Variants in PSG5 observed in about 807,000 individuals in gnomAD.
PSG5 encodes the protein pregnancy-specific beta-1-glycoprotein 5.
A neutral mutation model predicts 37.7 loss-of-function variants in PSG5; 53 were observed. The observed-to-expected ratio is 1.41, with a 90% CI of 1.13 to 1.77. The LOEUF is 1.77. PSG5 is among the 40% of genes most tolerant of loss of function. PSG5 has a pLI of 0.00. For synonymous variants in PSG5, 221 were observed against 155.4 expected (o/e 1.42, Z -3.14); for missense variants, 547 against 405.2 (o/e 1.35, Z -3.00).
rs761902009 is a variant in PSG5, at chr19:43,175,912, C to A, written c.667G>T (p.Asp223Tyr). The part of the protein sequence containing the change: ...GPYECEIRDR[D>Y]GGMRSDPVTL... ...ACTGGGTCACTGCGCATGCCACCAT[C>A]TCGGTCCCGTATTTCACATTCATAG... The change falls in exon 3 of 6, where the codon GAT becomes TAT. Residue 223 changes from aspartate (D) to tyrosine (Y), a missense_variant. Asp to Tyr is a radical substitution (Grantham distance 160). Transcript: ENST00000342951. The A allele has an allele frequency of 3.0e-5, 49 of 1,612,454 alleles. 1 individual carries two copies. Among genetic ancestry groups the A allele is most frequent in the Middle Eastern group, 1.7e-4 (1 of 6,008 alleles).
At chr19:43,179,197 C>T in intron 2 of PSG5, 1 of 1,550,704 alleles carries the variant, frequency 6.4e-7, no homozygotes, top group Non-Finnish European at 8.8e-7. Context: ...TGTGTGGCAC[C>T]TTTGATTCCT....
At chr19:43,168,627 C>T (rs1203391884) in intron 5 of PSG5, among the ~76,000 whole-genome samples, 1 of 151,730 alleles carries the variant, frequency 6.6e-6, no homozygotes, top group African/African-American at 2.4e-5. Flanking sequence ...CCACCTCGGC[C>T]TCCCAAACTG....
At chr19:43,170,500 A>G in intron 4 of PSG5, 1 of 448,308 alleles carries the variant, frequency 2.2e-6, no homozygotes, top group South Asian at 1.9e-5. Context: ...CATGAATGAG[A>G]CTCTGTCAGG....
At position 43,178,214 on chromosome 19, in the gene PSG5, G is replaced by A. The variant is rs1037156278; in HGVS notation, c.431-2066C>T. On this transcript the variant is annotated intron_variant, in intron 2 of 5. Coordinates refer to ENST00000342951, the MANE Select transcript of PSG5 (RefSeq NM_002781.4). The stretch of plus-strand genomic sequence containing the variant: ...GGAAAACATATTGCCAATGCTCCAG[G>A]GATCCACTTACCAGGGACTATGATC... Among the ~76,000 whole-genome samples the A allele has an allele frequency of 4.0e-5, 6 of 151,656 alleles. No homozygotes were observed. In the East Asian group the frequency reaches 5.8e-4, roughly 15 times the overall value.
At chr19:43,178,496 A>G (rs1283009506) in intron 2 of PSG5, among the ~76,000 whole-genome samples, 1 of 151,634 alleles carries the variant, frequency 6.6e-6, no homozygotes, top group African/African-American at 2.4e-5. Context: ...AAAGAGAATA[A>G]AGTCACAGGT....
Position 43,182,109 on chromosome 19 carries a change from G to C in PSG5, c.430+2673C>G, listed in dbSNP as rs181176692. Among the ~76,000 whole-genome samples the C allele has an allele frequency of 1.7e-3, 258 of 151,778 alleles. 4 individuals carry two copies. The highest frequency in any genetic ancestry group is 5.9e-3 in the African/African-American group (242 of 41,294). ...CCTGGGCATAGGCCAGGCTAACCTTGGGAGGAATTTAATTTATGGTTTGAC... is the reference window on the plus strand; with the variant it reads ...CCTGGGCATAGGCCAGGCTAACCTTCGGAGGAATTTAATTTATGGTTTGAC... On this transcript the variant is annotated intron_variant, in intron 2 of 5. Transcript: ENST00000342951.
At chr19:43,178,069 G>C (rs143087488) in intron 2 of PSG5, among the ~76,000 whole-genome samples, 1 of 151,514 alleles carries the variant, frequency 6.6e-6, no homozygotes, top group Non-Finnish European at 1.5e-5. Context: ...AGAGTGAAGG[G>C]GAAAGGCAAA....
In PSG5 at chr19:43,170,090, G is replaced by A. The variant is rs3207395; in HGVS notation, c.*5C>T. On this transcript the variant is annotated 3_prime_UTR_variant, in exon 5 of 6. Transcript: ENST00000342951. ...TCCTGAAATACAGAAATGACTTCAC[G>A]GCTGCTATATTGGATTAAGGAGAGG... 28 of 1,580,096 alleles carry A rather than the reference G, an allele frequency of 1.8e-5. No homozygotes were observed. The highest frequency in any genetic ancestry group is 1.7e-4 in the Middle Eastern group (1 of 5,924).
At position 43,184,988 on chromosome 19, in the gene PSG5, A is replaced by G. The variant is rs1220740310; in HGVS notation, c.224T>C (p.Leu75Pro). 1 of 1,612,570 alleles carries G rather than the reference A, an allele frequency of 6.2e-7. No homozygotes were observed. Among genetic ancestry groups the G allele is most frequent in the South Asian group, 1.1e-5 (1 of 91,038 alleles). Reference protein sequence around the residue: ...YIWYKGQLMDLYHYITSYVVD... With the variant: ...YIWYKGQLMDPYHYITSYVVD... ...TACATATGATGTAATGTAATGGTAG[A>G]GGTCCATCAGTTGTCCTTTGTACCA... The change falls in exon 2 of 6, where the codon CTC becomes CCC. Residue 75 changes from leucine (L) to proline (P), a missense_variant. Transcript: ENST00000342951.
At chr19:43,171,746 A>G (rs1485592861) in intron 4 of PSG5, among the ~76,000 whole-genome samples, 2 of 151,482 alleles carry the variant, frequency 1.3e-5, no homozygotes, top group Non-Finnish European at 2.9e-5. Context: ...CAGCAGAAGG[A>G]TTTCTTGAGA....
Position 43,170,112 on chromosome 19 carries a change from G to GA in PSG5, c.990dup (p.Leu331SerfsTer3). 6.3e-7 allele frequency: 1 copy of GA among 1,589,604 alleles called. No homozygotes were observed. Among genetic ancestry groups the GA allele is most frequent in the Non-Finnish European group, 8.6e-7 (1 of 1,162,004 alleles). ...CACGGCTGCTATATTGGATTAAGGA[G>GA]AGGAAGACGTCCTATTCCTGAAGGA... On this transcript the variant is annotated frameshift_variant, in exon 5 of 6. Coordinates refer to ENST00000342951, the MANE Select transcript of PSG5 (RefSeq NM_002781.4). LOFTEE classifies it high-confidence loss of function.
intron 1 of PSG5, 106 bp from the exon 2 acceptor site, chr19:43,185,253 C>T (rs1966908192): frequency 2.6e-6 from 3 of 1,148,078 alleles, no homozygotes; most frequent in Admixed American, 2.6e-5. Context: ...GCCTTGAAGA[C>T]ACACACACAC....
rs569840553 is a variant in PSG5 at position 43,172,827 on chromosome 19, A to G, written c.964+2388T>C. Reference sequence around the variant, plus strand: ...CTGCCCAAAGTGAGCTGCAGATTCAATAAAATTCCTGTCAGAATCTCAGTG... The same window carrying G: ...CTGCCCAAAGTGAGCTGCAGATTCAGTAAAATTCCTGTCAGAATCTCAGTG... On this transcript the variant is annotated intron_variant, in intron 4 of 5. Coordinates refer to ENST00000342951, the MANE Select transcript of PSG5 (RefSeq NM_002781.4). Among the ~76,000 whole-genome samples, 57 of 151,708 alleles carry G rather than the reference A, an allele frequency of 3.8e-4. 2 individuals are homozygous for G. The highest frequency in any genetic ancestry group is 5.7e-4 in the Non-Finnish European group (39 of 67,898).
chr19:43,170,298 G>GT (rs370714787), intron 4 of PSG5, 160 bp from the exon 5 acceptor site: 26,923 of 624,246 alleles, frequency 0.043, 2 homozygotes, highest in South Asian at 0.067. Flanking sequence ...TATTCTTGCA[G>GT]TTTTTTTTTT....
At chr19:43,185,734 G>C (rs1293709843) in intron 1 of PSG5, among the ~76,000 whole-genome samples, 1 of 151,550 alleles carries the variant, frequency 6.6e-6, no homozygotes, top group South Asian at 2.1e-4. Flanking sequence ...CCACACCCTT[G>C]GTGTTTTATT....
intron 5 of PSG5, among the ~76,000 whole-genome samples, chr19:43,168,687 A>C (rs1489921856): frequency 6.6e-6 from 1 of 151,794 alleles, no homozygotes; most frequent in Non-Finnish European, 1.5e-5. Flanking sequence ...TACTCATATT[A>C]TTAACATTCC....
intron 2 of PSG5, among the ~76,000 whole-genome samples, chr19:43,178,080 A>T (rs191629801): frequency 6.6e-6 from 1 of 151,572 alleles, no homozygotes; most frequent in African/African-American, 2.4e-5. Flanking sequence ...GAAAGGCAAA[A>T]GCTGGTGGTT....
chr19:43,180,242 G>A (rs553530350), intron 2 of PSG5: 10 of 151,732 alleles, frequency 6.6e-5, no homozygotes, highest in African/African-American at 2.2e-4. Flanking sequence ...TGCGGTTTCA[G>A]TTATGCAGGA....
intron 2 of PSG5, chr19:43,183,416 G>A (rs1347930034): frequency 3.8e-6 from 2 of 528,668 alleles, no homozygotes; most frequent in East Asian, 5.5e-5. Context: ...TCCTTCATTT[G>A]TTATGTGAGA....
Sources: gnomAD v4.1 joint callset for allele counts (sites outside exome capture counted in the v4.1 genomes callset) on GRCh38, gnomAD v4.1.1 for gene constraint, MANE v1.5 for transcripts, NCBI Gene and HGNC (gene_info 2026-07-23, HGNC 2026-07-21) for gene names.